The following PARG variants were observed in gnomAD, a reference collection of about 807,000 sequenced individuals.
PARG encodes the protein mitochondrial poly(ADP-ribose) glycohydrolase.
PARG carries 35 observed loss-of-function variants against 113.0 expected under a neutral mutation model. The observed-to-expected ratio is 0.31, with a 90% CI of 0.24 to 0.41. The LOEUF (loss-of-function observed/expected upper bound fraction) is 0.41, where lower values mean the gene tolerates loss of function less well. Ranked by LOEUF, PARG falls within the 10% of genes least tolerant of loss-of-function variation. The pLI, the probability that PARG is intolerant of heterozygous loss-of-function variation, is 1.00. For missense variants in PARG, 797 were observed against 1,169.4 expected (o/e 0.68, Z 4.64); for synonymous variants, 330 against 409.9 (o/e 0.81, Z 2.36).
chr10:49,882,660 G>A (rs1398328781), intron 8 of PARG, among the ~76,000 whole-genome samples: 45 of 151,006 alleles, frequency 3.0e-4, no homozygotes, highest in African/African-American at 9.5e-4. Flanking sequence ...TCATATGCAC[G>A]AGGGGAAGAG....
At chr10:49,842,908 G>A (rs139247404) in intron 14 of PARG, among the ~76,000 whole-genome samples, 3 of 152,214 alleles carry the variant, frequency 2.0e-5, no homozygotes, top group Admixed American at 1.3e-4. Context: ...TTTGTGGCAC[G>A]TGGGCAAGAG....
At chr10:49,825,065 C>G (rs1844285137) in intron 16 of PARG, among the ~76,000 whole-genome samples, 1 of 152,050 alleles carries the variant, frequency 6.6e-6, no homozygotes, top group African/African-American at 2.4e-5. Context: ...TTCTACTGAG[C>G]TCACTTTGTG....
Position 49,934,115 on chromosome 10 carries a change from A to C in PARG, c.333T>G (p.Ser111Arg). Residue 111 changes from serine (S) to arginine (R), a missense_variant, in exon 3 of 18, where the codon AGT becomes AGG. Coordinates refer to ENST00000616448, the MANE Select transcript of PARG (RefSeq NM_003631.5). ...NNNTRIESMMSSVQKDNFYQH... is the reference protein window; with the variant it reads ...NNNTRIESMMRSVQKDNFYQH... ...GGTAAAAGTTATCTTTTTGTACAGA[A>C]CTCATCATGGATTCTATTCTTGTAT... 1 of 1,199,122 alleles carries C rather than the reference A, an allele frequency of 8.3e-7. No homozygotes were observed. Among genetic ancestry groups the C allele is most frequent in the Non-Finnish European group, 1.2e-6 (1 of 801,026 alleles). The allele number at this position is 1,199,122 out of a possible 1,614,324, so 74.3% of individuals were successfully genotyped here. A position where few individuals can be genotyped will look rare whatever the true frequency, so the allele number is the denominator to read the frequency against.
At chr10:49,846,305 A>G (rs1845503238) in intron 13 of PARG, among the ~76,000 whole-genome samples, 1 of 151,778 alleles carries the variant, frequency 6.6e-6, no homozygotes. Context: ...AATAAAAATT[A>G]TGGTTGTTTC....
At chr10:49,890,100 G>A (rs1564634671) in intron 7 of PARG, among the ~76,000 whole-genome samples, 1 of 152,100 alleles carries the variant, frequency 6.6e-6, no homozygotes, top group Non-Finnish European at 1.5e-5. Context: ...AAATAAACAT[G>A]TATTACTTAT....
intron 16 of PARG, 79 bp downstream of exon 16, chr10:49,832,724 G>T: frequency 1.4e-6 from 1 of 694,642 alleles, no homozygotes; most frequent in Non-Finnish European, 2.5e-6. Flanking sequence ...TCTCATGACA[G>T]GACATGAGAA....
At chr10:49,931,322 A>G (rs1589009822) in intron 4 of PARG, among the ~76,000 whole-genome samples, 1 of 152,128 alleles carries the variant, frequency 6.6e-6, no homozygotes, top group Admixed American at 6.5e-5. Context: ...CTAGACTGCC[A>G]CCGTAGGACT....
intron 7 of PARG, among the ~76,000 whole-genome samples, chr10:49,909,412 ACATTAT>A (rs1554845677): frequency 6.6e-6 from 1 of 152,022 alleles, no homozygotes; most frequent in African/African-American, 2.4e-5. Flanking sequence ...CTCTGTCAAT[ACATTAT>A]CATTTTTAAA....
chr10:49,862,449 A>G (rs1415948711), intron 11 of PARG, among the ~76,000 whole-genome samples: 1 of 151,982 alleles, frequency 6.6e-6, no homozygotes, highest in Non-Finnish European at 1.5e-5. Flanking sequence ...ATTTTTAGAA[A>G]ATAGTCTAGG....
chr10:49,832,009 TTGCAA>T (rs1483359115), intron 16 of PARG, among the ~76,000 whole-genome samples: 2 of 152,310 alleles, frequency 1.3e-5, no homozygotes, highest in African/African-American at 4.8e-5. Context: ...AGTGTCAGAT[TTGCAA>T]TGCAGTACAC....
chr10:49,934,558 GAC>G (rs1312501442), intron 2 of PARG, among the ~76,000 whole-genome samples: 7 of 152,084 alleles, frequency 4.6e-5, no homozygotes, highest in African/African-American at 1.4e-4. Context: ...GTATCTTAAA[GAC>G]ACAGACTGGC....
chr10:49,862,072 C>T (rs1390605666), intron 11 of PARG, among the ~76,000 whole-genome samples: 1 of 147,472 alleles, frequency 6.8e-6, no homozygotes, highest in Non-Finnish European at 1.5e-5. Flanking sequence ...TTTCTATTTT[C>T]ACTGTTTCAT....
chr10:49,854,594 C>A (rs1288681951), intron 13 of PARG, among the ~76,000 whole-genome samples: 1 of 149,812 alleles, frequency 6.7e-6, no homozygotes, highest in African/African-American at 2.5e-5. Context: ...CAGCTCTCTC[C>A]TCTGCCTGAC....
intron 9 of PARG, among the ~76,000 whole-genome samples, chr10:49,878,083 G>A (rs1213935158): frequency 6.6e-6 from 1 of 151,964 alleles, no homozygotes; most frequent in Non-Finnish European, 1.5e-5. Flanking sequence ...CACTGAGAAG[G>A]ACACAGGATC....
intron 16 of PARG, among the ~76,000 whole-genome samples, chr10:49,826,243 G>A (rs1844353373): frequency 6.6e-6 from 1 of 152,216 alleles, no homozygotes. Context: ...ATCTTCCTGA[G>A]CAAGGCTGAG....
chr10:49,901,591 G>C (rs1231397660), intron 7 of PARG, among the ~76,000 whole-genome samples: 1 of 152,046 alleles, frequency 6.6e-6, no homozygotes, highest in African/African-American at 2.4e-5. Flanking sequence ...CTCTTATTAA[G>C]GATGAAACAA....
chr10:49,897,756 C>G (rs1554843100), intron 7 of PARG, among the ~76,000 whole-genome samples: 2 of 152,168 alleles, frequency 1.3e-5, no homozygotes, highest in East Asian at 1.9e-4. Context: ...ACCTATAACC[C>G]CAGTATTTTG....
intron 11 of PARG, among the ~76,000 whole-genome samples, chr10:49,862,547 C>T (rs1165463212): frequency 6.6e-6 from 1 of 151,614 alleles, no homozygotes; most frequent in African/African-American, 2.4e-5. Flanking sequence ...TCCAGCCCAA[C>T]AGGCTGATAG....
chr10:49,920,466 ATATATATAT>A (rs1837758062), intron 6 of PARG, among the ~76,000 whole-genome samples: 6 of 70,670 alleles, frequency 8.5e-5, no homozygotes, highest in East Asian at 4.0e-4. Flanking sequence ...AAAAAAAAAT[ATATATATAT>A]ATATATATAT....
Sources: allele counts gnomAD v4.1 joint callset (sites outside exome capture counted in the v4.1 genomes callset), GRCh38; gene constraint gnomAD v4.1.1; transcripts MANE v1.5; gene names NCBI Gene and HGNC (gene_info 2026-07-23, HGNC 2026-07-21).